Variants in DSE observed in about 807,000 individuals in gnomAD.
DSE encodes dermatan sulfate epimerase, also known as dermatan-sulfate epimerase.
A neutral mutation model predicts 84.4 loss-of-function variants in DSE; 36 were observed. The observed-to-expected ratio is 0.43, with a 90% CI of 0.33 to 0.56. The LOEUF is 0.56. Ranked by LOEUF, DSE falls within the 20% of genes least tolerant of loss-of-function variation. DSE has a pLI of 0.06. For missense variants in DSE, 862 were observed against 1,169.6 expected (o/e 0.74, Z 3.84); for synonymous variants, 410 against 430.1 (o/e 0.95, Z 0.58).
chr6:116,374,350 G>T lies in DSE; in HGVS notation c.-54+3229G>T, dbSNP rs1399343643. Among the ~76,000 whole-genome samples, 4 of 152,130 alleles carry T rather than the reference G, an allele frequency of 2.6e-5. No homozygotes were observed. In the East Asian group the frequency reaches 5.8e-4, roughly 22 times the overall value. On this transcript the variant is annotated intron_variant, in intron 1 of 5. Transcript: ENST00000644252. The stretch of plus-strand genomic sequence containing the variant: ...CTGACTTAGGATGTGTTTGTGGCAG[G>T]CCTTTGAGGAGAGCCAGAATCTGTG...
At chr6:116,352,687 G>A (rs1250788723) in intron 2 of DSE, among the ~76,000 whole-genome samples, 4 of 149,146 alleles carry the variant, frequency 2.7e-5, no homozygotes, top group Admixed American at 6.6e-5. Flanking sequence ...GGAGTAAGAT[G>A]GCCAAGAAAA....
chr6:116,302,547 T>C (rs766803575), intron 2 of DSE, among the ~76,000 whole-genome samples: 1 of 152,246 alleles, frequency 6.6e-6, no homozygotes, highest in Non-Finnish European at 1.5e-5. Context: ...ATTAGCCCTT[T>C]GTCAGATGGA....
rs753598767 is a variant in DSE at position 116,433,352 on chromosome 6, G to A, written c.920G>A (p.Arg307Lys). 2.6e-6 allele frequency: 4 copies of A among 1,551,156 alleles called. No homozygotes were observed. Among genetic ancestry groups the A allele is most frequent in the East Asian group, 2.4e-5 (1 of 40,922 alleles). Residue 307 changes from arginine to lysine, a missense_variant, in exon 5 of 6, where the codon AGG becomes AAG. Physicochemically the swap from Arg to Lys is conservative, Grantham distance 26. Transcript: ENST00000644252. The stretch of plus-strand genomic sequence containing the variant: ...CAACTTATTTCCCTAGGGTTTCAAA[G>A]GACTGTGGCTATTGCGGACTCAAAT... ...MYRTILPGFQ[R>K]TVAIADSNYN...
At chr6:116,354,454 A>G (rs1778475926) in intron 2 of DSE, among the ~76,000 whole-genome samples, 1 of 152,118 alleles carries the variant, frequency 6.6e-6, no homozygotes, top group Non-Finnish European at 1.5e-5. Context: ...GAGTGGGTGG[A>G]GGGTTTGTAC....
At chr6:116,375,193 A>G (rs764317758) in intron 1 of DSE, among the ~76,000 whole-genome samples, 2 of 152,148 alleles carry the variant, frequency 1.3e-5, no homozygotes, top group African/African-American at 2.4e-5. Flanking sequence ...AGAGATTAAA[A>G]TCCCAAACTC....
chr6:116,346,789 G>C (rs1249476538), intron 2 of DSE, among the ~76,000 whole-genome samples: 1 of 152,094 alleles, frequency 6.6e-6, no homozygotes, highest in African/African-American at 2.4e-5. Flanking sequence ...GCAGGAGAAA[G>C]AAATAAAGGG....
intron 1 of DSE, among the ~76,000 whole-genome samples, chr6:116,391,562 C>G (rs1001637322): frequency 6.6e-6 from 1 of 151,776 alleles, no homozygotes; most frequent in Non-Finnish European, 1.5e-5. Flanking sequence ...GTCAGGAGAT[C>G]GAGACCATCC....
intron 2 of DSE, among the ~76,000 whole-genome samples, chr6:116,289,232 T>C (rs1441115576): frequency 2.0e-5 from 3 of 151,920 alleles, no homozygotes; most frequent in Non-Finnish European, 4.4e-5. Flanking sequence ...TAAGGTAAAA[T>C]GGTAAGGTAT....
intron 2 of DSE, among the ~76,000 whole-genome samples, chr6:116,349,029 AAC>A (rs1778163455): frequency 6.6e-6 from 1 of 152,162 alleles, no homozygotes; most frequent in South Asian, 2.1e-4. Flanking sequence ...ATGATGAGTT[AAC>A]AGGTGCAGCA....
In DSE at chr6:116,417,877, C is replaced by T. The variant is rs188205264; in HGVS notation, c.417-8697C>T. On this transcript the variant is annotated intron_variant, in intron 2 of 5. Transcript: ENST00000644252. ...GGCCAGTGTCAAAGGTAAACAATAC[C>T]GGACACTAAAGTGGCAAGGATAAGT... 1.3e-3 allele frequency among the ~76,000 whole-genome samples: 191 copies of T among 152,188 alleles called. 1 individual carries two copies. The highest frequency in any genetic ancestry group is 2.7e-3 in the Admixed American group (42 of 15,292).
At chr6:116,337,453 T>C (rs1777320116) in intron 2 of DSE, among the ~76,000 whole-genome samples, 1 of 152,098 alleles carries the variant, frequency 6.6e-6, no homozygotes, top group South Asian at 2.1e-4. Context: ...CTACTAAAAC[T>C]ACAAAAATTA....
chr6:116,303,384 A>G (rs1775154361), intron 2 of DSE, among the ~76,000 whole-genome samples: 1 of 152,148 alleles, frequency 6.6e-6, no homozygotes, highest in Non-Finnish European at 1.5e-5. Flanking sequence ...TAGATATTTA[A>G]TACCCTTTCC....
Position 116,398,117 on chromosome 6 carries a change from T to C in DSE, c.-53-1081T>C, listed in dbSNP as rs537944117. On this transcript the variant is annotated intron_variant, in intron 1 of 5. Coordinates refer to ENST00000644252, the MANE Select transcript of DSE (RefSeq NM_013352.4). ...ACTGTTCGTTATTTACATAAAACTGTCTTTTTCTGGTCTGCTTTCTATAAC... is the reference window on the plus strand; with the variant it reads ...ACTGTTCGTTATTTACATAAAACTGCCTTTTTCTGGTCTGCTTTCTATAAC... 3.8e-3 allele frequency among the ~76,000 whole-genome samples: 573 copies of C among 152,372 alleles called. 3 individuals are homozygous for C. The highest frequency in any genetic ancestry group is 6.6e-3 in the Non-Finnish European group (447 of 68,042).
At chr6:116,343,953 G>A (rs542174121) in intron 2 of DSE, among the ~76,000 whole-genome samples, 2 of 152,262 alleles carry the variant, frequency 1.3e-5, no homozygotes, top group South Asian at 4.1e-4. Flanking sequence ...TGACCTGATG[G>A]AGCTGAAAGC....
intron 2 of DSE, among the ~76,000 whole-genome samples, chr6:116,363,698 C>T (rs1476101353): frequency 1.3e-5 from 2 of 152,070 alleles, no homozygotes; most frequent in Non-Finnish European, 2.9e-5. Flanking sequence ...GTTCATATAT[C>T]GGGGAGAAAT....
upstream of DSE, among the ~76,000 whole-genome samples, chr6:116,367,927 C>G (rs1311996729): frequency 6.6e-6 from 1 of 152,086 alleles, no homozygotes; most frequent in Admixed American, 6.5e-5. Flanking sequence ...GAAACCGAGG[C>G]AAGAAACTTT....
At chr6:116,380,165 G>C (rs1321811972) in intron 1 of DSE, among the ~76,000 whole-genome samples, 2 of 152,078 alleles carry the variant, frequency 1.3e-5, no homozygotes, top group Non-Finnish European at 2.9e-5. Flanking sequence ...AACTTGGAGA[G>C]TCAGATGAAA....
intron 2 of DSE, among the ~76,000 whole-genome samples, chr6:116,311,663 G>A (rs1433730561): frequency 6.6e-6 from 1 of 152,224 alleles, no homozygotes; most frequent in African/African-American, 2.4e-5. Flanking sequence ...AGAACATTGT[G>A]CTCCAACCTC....
At chr6:116,366,673 G>A (rs1381738651), upstream of DSE, 2 of 152,206 alleles carry the variant, frequency 1.3e-5, no homozygotes, top group African/African-American at 4.8e-5. Flanking sequence ...TACGCAAACT[G>A]TAAATGAGGC....
Sources: allele counts gnomAD v4.1 joint callset (sites outside exome capture counted in the v4.1 genomes callset), GRCh38; gene constraint gnomAD v4.1.1; transcripts MANE v1.5; gene names NCBI Gene and HGNC (gene_info 2026-07-23, HGNC 2026-07-21).